Variants in GALNT13 observed in about 807,000 individuals in gnomAD.
GALNT13 encodes the protein polypeptide N-acetylgalactosaminyltransferase 13, also known as UDP-GalNAc:polypeptide N-acetylgalactosaminyltransferase 13.
Under a neutral mutation model 64.2 loss-of-function variants are expected in GALNT13, and 28 were observed. The ratio of observed to expected loss-of-function variants is 0.44; its 90% confidence interval spans 0.32 to 0.60. The LOEUF is 0.60. GALNT13 is among the 20% of genes least tolerant of loss of function. The pLI, the probability that GALNT13 is intolerant of heterozygous loss-of-function variation, is 0.05. For synonymous variants in GALNT13, 214 were observed against 224.6 expected (o/e 0.95, Z 0.42); for missense variants, 577 against 669.8 (o/e 0.86, Z 1.53).
At chr2:153,333,702 A>C in the GALNT13 span, among the ~76,000 whole-genome samples, 3 of 152,234 alleles carry the variant, frequency 2.0e-5, no homozygotes, top group Non-Finnish European at 4.4e-5. Flanking sequence ...AAACATTATA[A>C]CCAAGCTTAA....
the GALNT13 span, among the ~76,000 whole-genome samples, chr2:153,718,683 T>C: frequency 6.6e-6 from 1 of 152,064 alleles, no homozygotes; most frequent in African/African-American, 2.4e-5. Context: ...TTGAGGACTT[T>C]TTTCTACCCT....
chr2:154,209,264 T>C (rs992112410), intron 4 of GALNT13, among the ~76,000 whole-genome samples: 5 of 152,146 alleles, frequency 3.3e-5, no homozygotes, highest in African/African-American at 1.2e-4. Flanking sequence ...CAGTGGGGTT[T>C]TGTGGTGGTG....
chr2:153,114,321 C>A, the GALNT13 span, among the ~76,000 whole-genome samples: 2 of 152,118 alleles, frequency 1.3e-5, no homozygotes, highest in Non-Finnish European at 2.9e-5. Context: ...TCATGTTGAA[C>A]AACCAACCCC....
intron 7 of GALNT13, among the ~76,000 whole-genome samples, chr2:154,247,837 C>T (rs1339159337): frequency 1.3e-5 from 2 of 152,066 alleles, no homozygotes; most frequent in Non-Finnish European, 2.9e-5. Context: ...AGAGAAACCT[C>T]AGTCTTTGCT....
intron 1 of GALNT13, among the ~76,000 whole-genome samples, chr2:153,878,810 T>G (rs1030374686): frequency 1.3e-5 from 2 of 152,156 alleles, no homozygotes; most frequent in African/African-American, 2.4e-5. Context: ...AAACTGGTGG[T>G]TGGTTTTACA....
the GALNT13 span, among the ~76,000 whole-genome samples, chr2:153,293,773 GT>G: frequency 0.34 from 38,061 of 111,762 alleles, 5,308 homozygotes; most frequent in Non-Finnish European, 0.4. Context: ...GTGTGTGTGT[GT>G]GTGTGTGTGT....
chr2:154,422,044 G>C (rs1700278373), intron 11 of GALNT13, among the ~76,000 whole-genome samples: 1 of 152,044 alleles, frequency 6.6e-6, no homozygotes, highest in African/African-American at 2.4e-5. Flanking sequence ...AGGACAGCAA[G>C]GACACTGCCA....
At chr2:153,565,224 G>C in the GALNT13 span, among the ~76,000 whole-genome samples, 1 of 152,160 alleles carries the variant, frequency 6.6e-6, no homozygotes, top group African/African-American at 2.4e-5. Context: ...ACATTATAAA[G>C]AGAAAGTGAA....
chr2:154,361,823 G>A (rs1451074217), intron 9 of GALNT13, among the ~76,000 whole-genome samples: 1 of 151,976 alleles, frequency 6.6e-6, no homozygotes, highest in Non-Finnish European at 1.5e-5. Flanking sequence ...CCTCAGTCTT[G>A]GGCAGTGATT....
chr2:153,924,046 A>T (rs1250944775), intron 2 of GALNT13, among the ~76,000 whole-genome samples: 6 of 152,058 alleles, frequency 3.9e-5, no homozygotes, highest in Admixed American at 1.3e-4. Flanking sequence ...ATGATTTTTT[A>T]AAATTTCCAA....
At chr2:153,585,060 A>G in the GALNT13 span, among the ~76,000 whole-genome samples, 1 of 152,214 alleles carries the variant, frequency 6.6e-6, no homozygotes, top group Non-Finnish European at 1.5e-5. Context: ...TTCTCAAGCA[A>G]TAGATCCTAA....
At chr2:154,268,612 A>AAC (rs796393343) in intron 8 of GALNT13, among the ~76,000 whole-genome samples, 12 of 151,552 alleles carry the variant, frequency 7.9e-5, no homozygotes, top group South Asian at 4.1e-4. Flanking sequence ...TAAGAATTAA[A>AAC]ACACACACAC....
chr2:154,080,860 A>T lies in GALNT13; in HGVS notation c.143-59477A>T, dbSNP rs182028509. ...ATTGTGGTTCCTTGGGTGAAACTCA[A>T]AGACTTGTATTCAGGATCCTTAAAC... On this transcript the variant is annotated intron_variant, in intron 3 of 12. Coordinates refer to ENST00000392825, the MANE Select transcript of GALNT13 (RefSeq NM_052917.4). Among the ~76,000 whole-genome samples the T allele has an allele frequency of 2.0e-5, 3 of 151,752 alleles. No individual in the cohort carries two copies. The East Asian group carries it at 5.8e-4, about 29-fold the overall frequency.
At chr2:153,676,053 TA>T in the GALNT13 span, among the ~76,000 whole-genome samples, 1 of 151,892 alleles carries the variant, frequency 6.6e-6, no homozygotes, top group Non-Finnish European at 1.5e-5. Context: ...CAAAAAGCTT[TA>T]AAAGATCAAT....
intron 8 of GALNT13, among the ~76,000 whole-genome samples, chr2:154,269,532 A>G (rs1559058933): frequency 6.6e-6 from 1 of 151,606 alleles, no homozygotes; most frequent in Non-Finnish European, 1.5e-5. Context: ...CACTCTCTTA[A>G]TGATAATATA....
chr2:153,071,144 T>A, the GALNT13 span, among the ~76,000 whole-genome samples: 1 of 151,954 alleles, frequency 6.6e-6, no homozygotes, highest in Non-Finnish European at 1.5e-5. Flanking sequence ...TTTTCTGGTA[T>A]CCAAAACTTA....
chr2:153,675,413 A>T, the GALNT13 span, among the ~76,000 whole-genome samples: 1 of 152,190 alleles, frequency 6.6e-6, no homozygotes, highest in African/African-American at 2.4e-5. Flanking sequence ...ATGAAGCTGG[A>T]AACCATCACT....
intron 9 of GALNT13, among the ~76,000 whole-genome samples, chr2:154,329,846 C>A (rs896499478): frequency 2.0e-5 from 3 of 152,054 alleles, no homozygotes; most frequent in Admixed American, 2.0e-4. Flanking sequence ...CTCCTGTGAT[C>A]TCTGTGCAGA....
the GALNT13 span, among the ~76,000 whole-genome samples, chr2:153,138,883 G>T: frequency 6.6e-6 from 1 of 152,002 alleles, no homozygotes; most frequent in Non-Finnish European, 1.5e-5. Flanking sequence ...GAATAGTGGT[G>T]CAGGTGGGTT....
Sources: allele counts gnomAD v4.1 joint callset (sites outside exome capture counted in the v4.1 genomes callset), GRCh38; gene constraint gnomAD v4.1.1; transcripts MANE v1.5; gene names NCBI Gene and HGNC (gene_info 2026-07-23, HGNC 2026-07-21).